The following CNTNAP2 variants were observed in gnomAD, a reference collection of about 807,000 sequenced individuals.
The protein encoded by CNTNAP2 is contactin-associated protein-like 2.
Under a neutral mutation model 155.2 loss-of-function variants are expected in CNTNAP2, and 98 were observed. That is an observed-to-expected ratio of 0.63 (90% CI 0.54 to 0.75). The LOEUF is 0.75. Ranked by LOEUF, CNTNAP2 falls within the 30% of genes least tolerant of loss-of-function variation. CNTNAP2 has a pLI of 0.00. For synonymous variants in CNTNAP2, 651 were observed against 631.2 expected (o/e 1.03, Z -0.47); for missense variants, 1,727 against 1,688.1 (o/e 1.02, Z -0.40).
At chr7:146,507,621 A>G (rs1025612495) in intron 1 of CNTNAP2, among the ~76,000 whole-genome samples, 18 of 152,158 alleles carry the variant, frequency 1.2e-4, no homozygotes, top group African/African-American at 4.1e-4. Context: ...GGCCTCTGGT[A>G]TGGCGTTCGT....
chr7:146,583,402 T>A (rs1044715442), intron 1 of CNTNAP2, among the ~76,000 whole-genome samples: 1 of 152,048 alleles, frequency 6.6e-6, no homozygotes. Context: ...AGGGAAAACC[T>A]GAGATGTCTG....
chr7:146,457,522 A>G (rs1261496985), intron 1 of CNTNAP2, among the ~76,000 whole-genome samples: 8 of 57,542 alleles, frequency 1.4e-4, no homozygotes, highest in African/African-American at 3.4e-4. Flanking sequence ...ATATATATAT[A>G]TATATATATA....
At chr7:147,353,106 CACAT>C (rs958158512) in intron 9 of CNTNAP2, among the ~76,000 whole-genome samples, 4 of 149,348 alleles carry the variant, frequency 2.7e-5, no homozygotes, top group African/African-American at 1.0e-4. Context: ...GACACACACA[CACAT>C]GTATATGTAT....
intron 1 of CNTNAP2, among the ~76,000 whole-genome samples, chr7:146,463,690 A>T (rs968935605): frequency 2.0e-5 from 3 of 152,166 alleles, no homozygotes; most frequent in African/African-American, 7.2e-5. Context: ...TATTATATAC[A>T]TGTATACAGA....
intron 1 of CNTNAP2, among the ~76,000 whole-genome samples, chr7:146,245,853 A>G (rs1799639561): frequency 6.7e-6 from 1 of 148,222 alleles, no homozygotes; most frequent in Admixed American, 6.6e-5. Flanking sequence ...AAGGAATAGT[A>G]AAGAAAGCAT....
chr7:147,084,533 A>G (rs1239143924), intron 4 of CNTNAP2, among the ~76,000 whole-genome samples: 3 of 98,684 alleles, frequency 3.0e-5, no homozygotes, highest in African/African-American at 9.4e-5. Flanking sequence ...ATATAATACT[A>G]TATATAATAT....
At chr7:147,429,338 T>A (rs1179409151) in intron 10 of CNTNAP2, among the ~76,000 whole-genome samples, 3 of 152,130 alleles carry the variant, frequency 2.0e-5, no homozygotes, top group Non-Finnish European at 2.9e-5. Flanking sequence ...TAATTAGTGA[T>A]ATTGAGCAAG....
intron 3 of CNTNAP2, among the ~76,000 whole-genome samples, chr7:146,840,602 A>AGG (rs1803703835): frequency 4.6e-5 from 7 of 151,964 alleles, no homozygotes; most frequent in African/African-American, 1.7e-4. Flanking sequence ...GAAGAAGAAA[A>AGG]AGAAGATGAG....
chr7:147,411,398 G>T (rs1054869153), intron 10 of CNTNAP2, among the ~76,000 whole-genome samples: 13 of 152,012 alleles, frequency 8.6e-5, no homozygotes, highest in Non-Finnish European at 1.5e-5. Context: ...TGAAAGTTTG[G>T]GTCTCAGTAA....
At chr7:147,824,938 A>C (rs1362293653) in intron 13 of CNTNAP2, among the ~76,000 whole-genome samples, 1 of 152,164 alleles carries the variant, frequency 6.6e-6, no homozygotes, top group Non-Finnish European at 1.5e-5. Flanking sequence ...ATTTTGCTTA[A>C]CGTGGATTGA....
intron 1 of CNTNAP2, among the ~76,000 whole-genome samples, chr7:146,350,665 C>T (rs1315650847): frequency 1.3e-5 from 2 of 151,982 alleles, no homozygotes; most frequent in Admixed American, 1.3e-4. Flanking sequence ...TTGACCCAGC[C>T]ATCCCATTAC....
chr7:146,706,754 T>G (rs965113113), intron 1 of CNTNAP2, among the ~76,000 whole-genome samples: 1 of 152,036 alleles, frequency 6.6e-6, no homozygotes, highest in African/African-American at 2.4e-5. Context: ...CAACACCTAC[T>G]GGGTCCTTTC....
chr7:147,774,421 A>T (rs953245938), intron 13 of CNTNAP2, among the ~76,000 whole-genome samples: 1 of 152,202 alleles, frequency 6.6e-6, no homozygotes. Flanking sequence ...ATGTTTAAAA[A>T]CTGAGAGGGT....
At chr7:147,542,506 A>G (rs1301749859) in intron 11 of CNTNAP2, among the ~76,000 whole-genome samples, 2 of 152,196 alleles carry the variant, frequency 1.3e-5, no homozygotes, top group Non-Finnish European at 2.9e-5. Context: ...GGAGGAAGTT[A>G]ACTGAGAAGC....
At position 146,183,606 on chromosome 7, in the gene CNTNAP2, A is replaced by AAATAATAATAATAATAAT. The variant is rs55823511; in HGVS notation, c.97+66651_97+66668dup. Among the ~76,000 whole-genome samples the AAATAATAATAATAATAAT allele has an allele frequency of 1.3e-3, 186 of 143,432 alleles. 2 individuals carry two copies. The highest frequency in any genetic ancestry group is 4.0e-3 in the African/African-American group (155 of 38,720). 94.1% of individuals were successfully genotyped at this position (143,432 alleles called of 152,430 possible). A position where few individuals can be genotyped will look rare whatever the true frequency, so the allele number is the denominator to read the frequency against. ...CCATCAGGAGAATTTATCACCACAC[A>AAATAATAATAATAATAAT]AATAATAATAATAATAATAATAATA... On this transcript the variant is annotated intron_variant, in intron 1 of 23. Coordinates refer to ENST00000361727, the MANE Select transcript of CNTNAP2 (RefSeq NM_014141.6).
rs184055151 is a variant in CNTNAP2, at chr7:147,030,882, T to G, written c.403-13025T>G. Among the ~76,000 whole-genome samples the G allele has an allele frequency of 1.9e-3, 283 of 152,274 alleles. 5 individuals carry two copies. The highest frequency in any genetic ancestry group is 9.8e-4 in the Non-Finnish European group (67 of 68,026). ...CTGGGCTACAGCGCAAGACCCTGCC[T>G]CAAAAAATATATATAATAGATATTT... is the stretch of plus-strand genomic sequence containing the variant. On this transcript the variant is annotated intron_variant, in intron 3 of 23. Transcript: ENST00000361727.
chr7:148,411,907 T>C (rs1315309745), intron 23 of CNTNAP2, among the ~76,000 whole-genome samples: 3 of 151,854 alleles, frequency 2.0e-5, no homozygotes, highest in Non-Finnish European at 4.4e-5. Flanking sequence ...TTGGTCTATA[T>C]ATATCTTTCC....
intron 3 of CNTNAP2, among the ~76,000 whole-genome samples, chr7:146,849,305 G>T (rs917952824): frequency 1.3e-5 from 2 of 152,150 alleles, no homozygotes; most frequent in African/African-American, 4.8e-5. Flanking sequence ...TCATTCTGTA[G>T]ATGAATAAGC....
At chr7:148,413,447 T>TATATATATATATATATATA (rs1563079560) in intron 23 of CNTNAP2, among the ~76,000 whole-genome samples, 1 of 116,156 alleles carries the variant, frequency 8.6e-6, no homozygotes, top group Non-Finnish European at 1.8e-5. Context: ...TATATATATA[T>TATATATATATATATATATA]TGCTCCATAG....
Sources: allele counts gnomAD v4.1 joint callset (sites outside exome capture counted in the v4.1 genomes callset), GRCh38; gene constraint gnomAD v4.1.1; transcripts MANE v1.5; gene names NCBI Gene and HGNC (gene_info 2026-07-23, HGNC 2026-07-21).